NUGGC: variants seen among roughly 807,000 people sequenced by gnomAD.
NUGGC encodes the protein nuclear GTPase SLIP-GC.
Under a neutral mutation model 92.6 loss-of-function variants are expected in NUGGC, and 58 were observed. The observed-to-expected ratio is 0.63, with a 90% confidence interval of 0.51 to 0.78. The LOEUF (loss-of-function observed/expected upper bound fraction) is 0.78. Ranked by LOEUF, NUGGC falls within the 30% of genes least tolerant of loss-of-function variation. The probability of loss-of-function intolerance (pLI) is 0.00; values close to 1 mark genes in which losing one functional copy is unlikely to be tolerated. For synonymous variants in NUGGC, 376 were observed against 366.4 expected (o/e 1.03, Z -0.30); for missense variants, 925 against 964.6 (o/e 0.96, Z 0.54).
At chr8:28,053,222 G>T (rs1336536538) in intron 10 of NUGGC, among the ~76,000 whole-genome samples, 1 of 152,184 alleles carries the variant, frequency 6.6e-6, no homozygotes, top group East Asian at 1.9e-4. Flanking sequence ...GCTTTGGGAG[G>T]CCCAAGCAGG....
rs777779688 is a variant in NUGGC at position 28,058,295 on chromosome 8, A to G, written c.1098-19T>C. 2.0e-6 allele frequency: 1 copy of G among 512,780 alleles called. No homozygotes were observed. The highest frequency in any genetic ancestry group is 3.1e-6 in the Non-Finnish European group (1 of 326,342). The allele number at this position is 512,780 out of a possible 1,614,324, so 31.8% of individuals were successfully genotyped here. ...TCTTTCCCTGAAATGAAATTAGAAA[A>G]ATGTAACAATTACTTAATTTTTACT... On this transcript the variant is annotated intron_variant, in intron 8 of 18. Coordinates refer to ENST00000413272, the MANE Select transcript of NUGGC (RefSeq NM_001010906.2).
At chr8:28,066,750 C>G (rs1352965422) in intron 6 of NUGGC, among the ~76,000 whole-genome samples, 1 of 152,154 alleles carries the variant, frequency 6.6e-6, no homozygotes, top group African/African-American at 2.4e-5. Flanking sequence ...GCAAGAATAT[C>G]ATTCTACTAG....
intron 11 of NUGGC, among the ~76,000 whole-genome samples, 155 bp downstream of exon 11, chr8:28,047,352 A>C (rs1407449256): frequency 6.6e-6 from 1 of 152,224 alleles, no homozygotes; most frequent in Non-Finnish European, 1.5e-5. Flanking sequence ...AACAATGCAG[A>C]GAGGAAAATA....
At chr8:28,029,704 G>A (rs971292492) in intron 16 of NUGGC, among the ~76,000 whole-genome samples, 4 of 151,922 alleles carry the variant, frequency 2.6e-5, no homozygotes, top group Non-Finnish European at 4.4e-5. Context: ...AGCTGAGATC[G>A]CTGCCACTGC....
Position 28,049,769 on chromosome 8 carries a change from A to C in NUGGC, c.1207-2157T>G, listed in dbSNP as rs184121462. ...TTTGTAAAAAGATGTTGTATGTGAG[A>C]GAGGAGAAAACGTGGAAGCTCAAAC... is the stretch of plus-strand genomic sequence containing the variant. On this transcript the variant is annotated intron_variant, in intron 10 of 18. Coordinates refer to ENST00000413272, the MANE Select transcript of NUGGC (RefSeq NM_001010906.2). 6.1e-4 allele frequency among the ~76,000 whole-genome samples: 93 copies of C among 152,336 alleles called. 1 individual carries two copies. The highest frequency in any genetic ancestry group is 2.1e-3 in the African/African-American group (88 of 41,592).
At chr8:28,030,099 T>C (rs1044255765) in intron 16 of NUGGC, among the ~76,000 whole-genome samples, 1 of 152,202 alleles carries the variant, frequency 6.6e-6, no homozygotes, top group Non-Finnish European at 1.5e-5. Flanking sequence ...GCAGGGTGTC[T>C]GGACCAAGGG....
chr8:28,026,844 A>G (rs1419095062), intron 18 of NUGGC, 118 bp downstream of exon 18: 1 of 715,620 alleles, frequency 1.4e-6, no homozygotes, highest in Non-Finnish European at 2.5e-6. Context: ...AATTCTTCCT[A>G]ACTTCCTAAC....
At chr8:28,036,290 T>A (rs1170017269) in intron 13 of NUGGC, among the ~76,000 whole-genome samples, 17 of 152,326 alleles carry the variant, frequency 1.1e-4, no homozygotes, top group African/African-American at 3.8e-4. Flanking sequence ...TTCTGCTACC[T>A]CTCAGGCTTT....
intron 10 of NUGGC, among the ~76,000 whole-genome samples, chr8:28,051,958 A>C (rs954969675): frequency 7.2e-5 from 11 of 152,180 alleles, no homozygotes; most frequent in African/African-American, 2.4e-4. Flanking sequence ...AACAAAAAAA[A>C]CCAAACTGGG....
chr8:28,059,345 A>G (rs1253592130), intron 8 of NUGGC, among the ~76,000 whole-genome samples: 1 of 152,216 alleles, frequency 6.6e-6, no homozygotes, highest in Non-Finnish European at 1.5e-5. Context: ...AATTGTCCCA[A>G]TATAGAAGGT....
At chr8:28,052,903 C>T (rs554766578) in intron 10 of NUGGC, among the ~76,000 whole-genome samples, 8 of 152,106 alleles carry the variant, frequency 5.3e-5, no homozygotes, top group Non-Finnish European at 1.2e-4. Context: ...GAAATGGAAA[C>T]GTGGGGCATA....
intron 8 of NUGGC, chr8:28,060,174 C>T (rs892012951): frequency 1.4e-4 from 87 of 617,038 alleles, no homozygotes; most frequent in African/African-American, 1.3e-3. Flanking sequence ...ATGTGAGTGG[C>T]ACCCCCAGAG....
At chr8:28,046,307 G>A (rs565822036) in intron 11 of NUGGC, among the ~76,000 whole-genome samples, 1 of 152,096 alleles carries the variant, frequency 6.6e-6, no homozygotes, top group Non-Finnish European at 1.5e-5. Context: ...CACACCTTCT[G>A]CTCCTTAACC....
intron 1 of NUGGC, among the ~76,000 whole-genome samples, chr8:28,076,461 G>A (rs892107147): frequency 6.6e-6 from 1 of 152,070 alleles, no homozygotes; most frequent in African/African-American, 2.4e-5. Context: ...CATCATGCCT[G>A]GCTAATTACA....
intron 16 of NUGGC, 22 bp from the exon 17 acceptor site, chr8:28,029,424 G>T (rs1201039560): frequency 1.9e-6 from 3 of 1,610,506 alleles, no homozygotes; most frequent in Non-Finnish European, 2.5e-6. Flanking sequence ...GATAGCCACA[G>T]TCACACCAAG....
intron 7 of NUGGC, among the ~76,000 whole-genome samples, chr8:28,061,547 T>C (rs1010509522): frequency 2.4e-4 from 36 of 152,196 alleles, no homozygotes; most frequent in African/African-American, 8.2e-4. Context: ...TTTTAACTAG[T>C]AGAGGTTTTG....
chr8:28,068,966 C>T (rs1467237317), intron 4 of NUGGC, among the ~76,000 whole-genome samples: 3 of 152,248 alleles, frequency 2.0e-5, no homozygotes, highest in African/African-American at 7.2e-5. Flanking sequence ...CTCAAGTGGT[C>T]CACCCGCCTC....
rs979535083 is a variant in NUGGC, at chr8:28,056,845, T to C, written c.1117-791A>G. Among the ~76,000 whole-genome samples the C allele has an allele frequency of 2.6e-5, 4 of 152,334 alleles. No individual in the cohort carries two copies. The South Asian group carries it at 6.2e-4, about 24-fold the overall frequency. On this transcript the variant is annotated intron_variant, in intron 9 of 18. Coordinates refer to ENST00000413272, the MANE Select transcript of NUGGC (RefSeq NM_001010906.2). The stretch of plus-strand genomic sequence containing the variant: ...TTAAGATGCAGTATTAAATCATAAC[T>C]GCATAAAATTAACTGTAGTACATAC...
At chr8:28,063,211 C>T (rs1047998504) in intron 7 of NUGGC, among the ~76,000 whole-genome samples, 8 of 152,164 alleles carry the variant, frequency 5.3e-5, no homozygotes, top group African/African-American at 1.9e-4. Context: ...CAAGAAAACC[C>T]ACAAGAATGC....
Sources: gnomAD v4.1 joint callset for allele counts (sites outside exome capture counted in the v4.1 genomes callset) on GRCh38, gnomAD v4.1.1 for gene constraint, MANE v1.5 for transcripts, NCBI Gene and HGNC (gene_info 2026-07-23, HGNC 2026-07-21) for gene names.